DAPK1: variants seen among roughly 807,000 people sequenced by gnomAD.
DAPK1 encodes the protein death associated protein kinase 1, also known as death-associated protein kinase 1.
In DAPK1, 56 loss-of-function variants were observed where a neutral mutation model predicts 144.9. The ratio of observed to expected loss-of-function variants is 0.39; its 90% CI spans 0.31 to 0.48. DAPK1 has a LOEUF of 0.48. DAPK1 is among the 20% of genes least tolerant of loss of function. DAPK1 has a pLI of 0.95. For missense variants in DAPK1, 1,454 were observed against 1,875.4 expected (o/e 0.78, Z 4.15); for synonymous variants, 690 against 749.0 (o/e 0.92, Z 1.29).
intron 19 of DAPK1, among the ~76,000 whole-genome samples, chr9:87,680,635 G>A (rs1824574005): frequency 7.1e-6 from 1 of 140,016 alleles, no homozygotes. Context: ...AAAGTGTGGG[G>A]GTCACACACA....
chr9:87,567,124 C>G (rs1827156502), intron 2 of DAPK1, among the ~76,000 whole-genome samples: 1 of 152,186 alleles, frequency 6.6e-6, no homozygotes, highest in Admixed American at 6.5e-5. Context: ...AAAATATTCT[C>G]TTTCTGTTGG....
At chr9:87,513,215 C>T (rs1233938984) in intron 2 of DAPK1, among the ~76,000 whole-genome samples, 2 of 152,188 alleles carry the variant, frequency 1.3e-5, no homozygotes, top group Non-Finnish European at 2.9e-5. Flanking sequence ...TCCTCAAGGG[C>T]TAATTGAATA....
At chr9:87,551,458 T>G (rs1047518147) in intron 2 of DAPK1, among the ~76,000 whole-genome samples, 1 of 152,300 alleles carries the variant, frequency 6.6e-6, no homozygotes, top group South Asian at 2.1e-4. Context: ...TTAATTTAGA[T>G]TTTAAGCCAA....
rs541755430 is a variant in DAPK1, at chr9:87,697,289, C to G, written c.2611+85C>G. On this transcript the variant is annotated intron_variant, in intron 22 of 25. Coordinates refer to ENST00000408954, the MANE Select transcript of DAPK1 (RefSeq NM_004938.4). ...CTCCTTCCAGGCTTCTGCCCTGCTC[C>G]TGCCACTGCTGCTGCTGGCCTTGCA... is the stretch of plus-strand genomic sequence containing the variant. The G allele has an allele frequency of 1.1e-5, 8 of 707,932 alleles. No homozygotes were observed. In the East Asian group the frequency reaches 1.9e-4, roughly 17 times the overall value. The allele number at this position is 707,932 out of a possible 1,614,324, so 43.9% of individuals were successfully genotyped here.
chr9:87,685,239 T>G lies in DAPK1; in HGVS notation c.2225-1312T>G, dbSNP rs36218114. Among the ~76,000 whole-genome samples, 21 of 152,328 alleles carry G rather than the reference T, an allele frequency of 1.4e-4. No homozygotes were observed. In the East Asian group the frequency reaches 4.1e-3, roughly 29 times the overall value. ...AATAAATCTTGCCCTCCTAGTGCCCTTTCTCCTTTCCCTGTACCTAATCCT... is the reference window on the plus strand; with the variant it reads ...AATAAATCTTGCCCTCCTAGTGCCCGTTCTCCTTTCCCTGTACCTAATCCT... On this transcript the variant is annotated intron_variant, in intron 20 of 25. Coordinates refer to ENST00000408954, the MANE Select transcript of DAPK1 (RefSeq NM_004938.4).
chr9:87,616,752 C>G (rs1207000207), intron 3 of DAPK1, among the ~76,000 whole-genome samples: 1 of 151,644 alleles, frequency 6.6e-6, no homozygotes, highest in African/African-American at 2.4e-5. Context: ...GAATGGATAA[C>G]TTCCTGGAGA....
chr9:87,540,183 C>CTTTTTTT (rs33925780), intron 2 of DAPK1, among the ~76,000 whole-genome samples: 7 of 66,128 alleles, frequency 1.1e-4, no homozygotes, highest in East Asian at 4.8e-4. Flanking sequence ...TTGTTAATCT[C>CTTTTTTT]TTTTTTTTTT....
chr9:87,641,171 A>G (rs1830080677), intron 9 of DAPK1, among the ~76,000 whole-genome samples: 2 of 152,222 alleles, frequency 1.3e-5, no homozygotes, highest in African/African-American at 4.8e-5. Context: ...GTAAATATCA[A>G]TCAAATCTGG....
intron 2 of DAPK1, among the ~76,000 whole-genome samples, chr9:87,603,518 C>T (rs1174482138): frequency 6.6e-6 from 1 of 152,200 alleles, no homozygotes; most frequent in East Asian, 1.9e-4. Flanking sequence ...TCTTCACTGG[C>T]CTCCTACTGC....
intron 2 of DAPK1, among the ~76,000 whole-genome samples, chr9:87,502,035 A>G (rs890109678): frequency 2.2e-4 from 34 of 152,210 alleles, no homozygotes; most frequent in African/African-American, 7.5e-4. Flanking sequence ...AGTTAAACAA[A>G]TATAGATATT....
intron 2 of DAPK1, among the ~76,000 whole-genome samples, chr9:87,600,355 G>A (rs567702274): frequency 6.6e-6 from 1 of 152,232 alleles, no homozygotes; most frequent in Non-Finnish European, 1.5e-5. Context: ...GGTGGCCGAG[G>A]TGGGAGGACT....
intron 2 of DAPK1, among the ~76,000 whole-genome samples, chr9:87,560,614 C>T (rs922741338): frequency 1.3e-5 from 2 of 151,058 alleles, no homozygotes; most frequent in Non-Finnish European, 2.9e-5. Context: ...GCTTATTTCA[C>T]TTAGCATGAT....
intron 24 of DAPK1, chr9:87,701,997 A>G (rs752256514): frequency 6.9e-5 from 27 of 390,248 alleles, no homozygotes; most frequent in Non-Finnish European, 1.4e-4. Flanking sequence ...GTGCTTCCCC[A>G]CCAGGTCTGG....
At chr9:87,666,367 G>T (rs1831052828) in intron 18 of DAPK1, among the ~76,000 whole-genome samples, 1 of 152,124 alleles carries the variant, frequency 6.6e-6, no homozygotes, top group Admixed American at 6.6e-5. Context: ...AGGCATTTCT[G>T]TTGAAAGTCT....
intron 21 of DAPK1, among the ~76,000 whole-genome samples, chr9:87,696,796 C>T (rs1208682626): frequency 6.6e-6 from 1 of 152,168 alleles, no homozygotes; most frequent in Non-Finnish European, 1.5e-5. Context: ...CCCACCAGGC[C>T]TCACCTCCCA....
At chr9:87,553,155 A>G (rs775349112) in intron 2 of DAPK1, among the ~76,000 whole-genome samples, 38 of 152,136 alleles carry the variant, frequency 2.5e-4, no homozygotes, top group African/African-American at 9.2e-4. Context: ...TTGATATTTA[A>G]GTTCCAGCTG....
intron 2 of DAPK1, among the ~76,000 whole-genome samples, chr9:87,571,476 A>AAC (rs56299528): frequency 0.06 from 2,897 of 48,430 alleles, 350 homozygotes; most frequent in Non-Finnish European, 0.072. Context: ...CACACACACC[A>AAC]ACACACACAC....
At chr9:87,589,505 A>G (rs898279545) in intron 2 of DAPK1, among the ~76,000 whole-genome samples, 4 of 152,100 alleles carry the variant, frequency 2.6e-5, no homozygotes, top group African/African-American at 7.2e-5. Flanking sequence ...CAGGGAGATT[A>G]CACTTGTGTC....
intron 3 of DAPK1, among the ~76,000 whole-genome samples, chr9:87,634,695 C>T (rs1457051092): frequency 1.3e-5 from 2 of 152,184 alleles, no homozygotes; most frequent in Non-Finnish European, 2.9e-5. Flanking sequence ...CATGGCAGGC[C>T]AGGTGGCTGC....
Sources: allele counts gnomAD v4.1 joint callset (sites outside exome capture counted in the v4.1 genomes callset), GRCh38; gene constraint gnomAD v4.1.1; transcripts MANE v1.5; gene names NCBI Gene and HGNC (gene_info 2026-07-23, HGNC 2026-07-21).